ZNF804B: variants seen among roughly 807,000 people sequenced by gnomAD.
The protein encoded by ZNF804B is zinc finger protein 804B, also known as zinc finger 804B.
Under a neutral mutation model 101.4 loss-of-function variants are expected in ZNF804B, and 80 were observed. The observed-to-expected ratio is 0.79, with a 90% CI of 0.66 to 0.95. The LOEUF (loss-of-function observed/expected upper bound fraction) is 0.95. Ranked by LOEUF, ZNF804B falls within the 40% of genes least tolerant of loss-of-function variation. ZNF804B has a pLI of 0.00. For missense variants in ZNF804B, 1,673 were observed against 1,561.9 expected (o/e 1.07, Z -1.20); for synonymous variants, 622 against 558.8 (o/e 1.11, Z -1.59).
intron 1 of ZNF804B, among the ~76,000 whole-genome samples, chr7:89,007,033 A>G (rs1788377015): frequency 6.6e-6 from 1 of 152,042 alleles, no homozygotes; most frequent in African/African-American, 2.4e-5. Context: ...GACCTTCAGC[A>G]CTATATGCAG....
intron 1 of ZNF804B, among the ~76,000 whole-genome samples, chr7:89,088,555 A>C (rs2116322297): frequency 6.6e-6 from 1 of 150,640 alleles, no homozygotes; most frequent in African/African-American, 2.4e-5. Context: ...CAGTTTATTC[A>C]TCGCCCTAGG....
At chr7:89,073,213 T>C (rs34040982) in intron 1 of ZNF804B, among the ~76,000 whole-genome samples, 69,079 of 151,890 alleles carry the variant, frequency 0.45, 16,564 homozygotes, top group Non-Finnish European at 0.53. Flanking sequence ...TCTAATCAGT[T>C]GGTAGAAACT....
At chr7:88,875,111 T>G (rs6465171) in intron 1 of ZNF804B, among the ~76,000 whole-genome samples, 1 of 129,012 alleles carries the variant, frequency 7.8e-6, no homozygotes, top group African/African-American at 3.3e-5. Context: ...TTGAAACCAA[T>G]GAGAACAAAG....
intron 1 of ZNF804B, among the ~76,000 whole-genome samples, chr7:89,148,445 A>G (rs1430857395): frequency 1.3e-5 from 2 of 152,088 alleles, no homozygotes; most frequent in Non-Finnish European, 1.5e-5. Flanking sequence ...TAGGCAAGGC[A>G]TTCATTCTCT....
chr7:89,287,944 A>AC (rs1554389925), intron 2 of ZNF804B, among the ~76,000 whole-genome samples: 5 of 151,466 alleles, frequency 3.3e-5, no homozygotes, highest in Non-Finnish European at 7.4e-5. Context: ...GAAAAAAAAA[A>AC]CCACATACCA....
At chr7:88,798,307 T>C (rs72615107) in intron 1 of ZNF804B, among the ~76,000 whole-genome samples, 8,431 of 152,182 alleles carry the variant, frequency 0.055, 427 homozygotes, top group East Asian at 0.28. Flanking sequence ...AGAAGAATGA[T>C]ATTTCATCAT....
intron 1 of ZNF804B, among the ~76,000 whole-genome samples, chr7:89,091,914 GCA>G (rs1196243833): frequency 6.6e-6 from 1 of 152,158 alleles, no homozygotes; most frequent in African/African-American, 2.4e-5. Flanking sequence ...GAATTCTTAT[GCA>G]CAGTTTTTTT....
At chr7:88,874,624 T>C (rs1429063855) in intron 1 of ZNF804B, among the ~76,000 whole-genome samples, 1 of 152,054 alleles carries the variant, frequency 6.6e-6, no homozygotes, top group Non-Finnish European at 1.5e-5. Flanking sequence ...AGATAGCTCT[T>C]ATTATTTTGA....
chr7:88,873,769 C>T (rs1029861724), intron 1 of ZNF804B, among the ~76,000 whole-genome samples: 1 of 152,124 alleles, frequency 6.6e-6, no homozygotes, highest in African/African-American at 2.4e-5. Context: ...TGTCAAAGAT[C>T]AGATAGTCAT....
chr7:89,223,654 A>T (rs1364841261), intron 2 of ZNF804B, among the ~76,000 whole-genome samples: 1 of 140,176 alleles, frequency 7.1e-6, no homozygotes, highest in Non-Finnish European at 1.6e-5. Context: ...ATGGCACTCC[A>T]CTATGGGCAA....
intron 1 of ZNF804B, among the ~76,000 whole-genome samples, chr7:88,772,214 T>C (rs1352571580): frequency 1.3e-5 from 2 of 152,346 alleles, no homozygotes; most frequent in East Asian, 1.9e-4. Flanking sequence ...GGGAGAATCC[T>C]TGGTGACCAC....
At chr7:89,265,303 C>CAT (rs1554386426) in intron 2 of ZNF804B, among the ~76,000 whole-genome samples, 1 of 135,886 alleles carries the variant, frequency 7.4e-6, no homozygotes, top group Admixed American at 7.1e-5. Context: ...TGCGCGTGCG[C>CAT]GCGCGCACAC....
At chr7:88,911,037 A>G (rs970970722) in intron 1 of ZNF804B, among the ~76,000 whole-genome samples, 5 of 152,056 alleles carry the variant, frequency 3.3e-5, no homozygotes, top group Admixed American at 2.0e-4. Flanking sequence ...GAGAAAACTT[A>G]GAGAATGTGA....
chr7:89,163,498 T>C (rs2116423199), intron 1 of ZNF804B, among the ~76,000 whole-genome samples: 1 of 152,264 alleles, frequency 6.6e-6, no homozygotes, highest in Admixed American at 6.5e-5. Context: ...ATGCAATGGC[T>C]TATTATGTGT....
rs143868459 is a variant in ZNF804B, at chr7:89,203,997, A to G, written c.109-14158A>G. On this transcript the variant is annotated intron_variant, in intron 1 of 3. Transcript: ENST00000333190. ...TTTGAAGGGAACATATTTGCAATCA[A>G]TTCCCAAGGAAAGGTGAAGCAGTGG... Among the ~76,000 whole-genome samples the G allele has an allele frequency of 3.8e-3, 578 of 152,302 alleles. 3 individuals carry two copies. The highest frequency in any genetic ancestry group is 0.013 in the African/African-American group (555 of 41,566).
intron 1 of ZNF804B, among the ~76,000 whole-genome samples, chr7:89,175,045 T>G (rs1056682138): frequency 8.5e-5 from 13 of 152,070 alleles, no homozygotes; most frequent in African/African-American, 3.1e-4. Flanking sequence ...GTGCATTGTT[T>G]CTTCACTTTG....
intron 1 of ZNF804B, among the ~76,000 whole-genome samples, chr7:88,898,510 A>G (rs1792343257): frequency 6.6e-6 from 1 of 151,558 alleles, no homozygotes; most frequent in South Asian, 2.1e-4. Flanking sequence ...CTAGAAATCT[A>G]ATTGTTCACA....
chr7:88,760,064 A>C lies in ZNF804B; in HGVS notation c.88A>C (p.Lys30Gln). The C allele has an allele frequency of 6.2e-7, 1 of 1,614,222 alleles. No homozygotes were observed. The highest frequency in any genetic ancestry group is 8.5e-7 in the Non-Finnish European group (1 of 1,180,020). The change falls in exon 1 of 4, where the codon AAG becomes CAG. Residue 30 changes from lysine (K) to glutamine (Q), a missense_variant. Transcript: ENST00000333190. The part of the protein sequence containing the change: ...IKGVFRGPLC[K>Q]NGSPSPDFAE... ...AGGAGTCTTCAGGGGACCCCTGTGC[A>C]AGAACGGATCTCCCTCTCCGGTAAT...
chr7:89,115,535 A>G (rs1329160912), intron 1 of ZNF804B, among the ~76,000 whole-genome samples: 2 of 152,320 alleles, frequency 1.3e-5, no homozygotes, highest in South Asian at 2.1e-4. Flanking sequence ...TCTTGAGCCC[A>G]GATGTATTTT....
Sources: gnomAD v4.1 joint callset for allele counts (sites outside exome capture counted in the v4.1 genomes callset) on GRCh38, gnomAD v4.1.1 for gene constraint, MANE v1.5 for transcripts, NCBI Gene and HGNC (gene_info 2026-07-23, HGNC 2026-07-21) for gene names.